C9orf85: variants seen among roughly 807,000 people sequenced by gnomAD.
C9orf85 encodes uncharacterized protein C9orf85.
Under a neutral mutation model 14.9 loss-of-function variants are expected in C9orf85, and 16 were observed. The observed-to-expected ratio is 1.08, with a 90% CI of 0.73 to 1.63. C9orf85 has a LOEUF of 1.63. C9orf85 is among the 40% of genes most tolerant of loss of function. The probability of loss-of-function intolerance (pLI) is 0.00; values close to 1 mark genes in which losing one functional copy is unlikely to be tolerated. For synonymous variants in C9orf85, 45 were observed against 56.8 expected (o/e 0.79, Z 0.93); for missense variants, 172 against 186.1 (o/e 0.92, Z 0.44).
chr9:71,930,343 T>C (rs1000649345), intron 1 of C9orf85, among the ~76,000 whole-genome samples: 5 of 152,122 alleles, frequency 3.3e-5, no homozygotes, highest in African/African-American at 9.7e-5. Flanking sequence ...TGCATATAGC[T>C]ATATTTCCTT....
At chr9:71,939,056 A>C (rs1316144196) in intron 1 of C9orf85, among the ~76,000 whole-genome samples, 1 of 129,838 alleles carries the variant, frequency 7.7e-6, no homozygotes, top group African/African-American at 2.7e-5. Flanking sequence ...ACTTGTCTTT[A>C]TTCTTTATCT....
downstream of C9orf85, among the ~76,000 whole-genome samples, chr9:71,976,757 T>C (rs1823008773): frequency 6.6e-6 from 1 of 151,972 alleles, no homozygotes; most frequent in South Asian, 2.1e-4. Context: ...CTCAGGTGAT[T>C]CTGATCAACT....
chr9:71,931,635 C>G (rs534716848), intron 1 of C9orf85, among the ~76,000 whole-genome samples: 1 of 152,122 alleles, frequency 6.6e-6, no homozygotes, highest in Non-Finnish European at 1.5e-5. Flanking sequence ...GATTATTAAA[C>G]CTGCCTGGAT....
intron 1 of C9orf85, among the ~76,000 whole-genome samples, chr9:71,920,983 T>C (rs549266392): frequency 6.6e-6 from 1 of 152,222 alleles, no homozygotes; most frequent in South Asian, 2.1e-4. Flanking sequence ...TGCCTCATCA[T>C]ACCCTTCTCC....
At chr9:71,914,440 C>T (rs1827593379) in intron 1 of C9orf85, among the ~76,000 whole-genome samples, 1 of 152,006 alleles carries the variant, frequency 6.6e-6, no homozygotes, top group Admixed American at 6.6e-5. Context: ...GACACCCCTG[C>T]CTTAGAGGAC....
intron 1 of C9orf85, 54 bp downstream of exon 1, chr9:71,911,890 G>C: frequency 6.7e-7 from 1 of 1,492,242 alleles, no homozygotes; most frequent in Non-Finnish European, 9.4e-7. Flanking sequence ...TGGCTCACTG[G>C]AGAGGGGAGA....
intron 1 of C9orf85, among the ~76,000 whole-genome samples, chr9:71,915,190 T>A (rs1014331300): frequency 4.2e-4 from 63 of 151,380 alleles, no homozygotes; most frequent in Non-Finnish European, 6.6e-4. Context: ...ATTATTTTTT[T>A]TTTTTTTTTG....
Position 71,931,293 on chromosome 9 carries a change from G to A in C9orf85, c.103-15713G>A, listed in dbSNP as rs115634114. Reference sequence around the variant, plus strand: ...GCCTCTACCATATCTTTTCCTGTCAGTTCAGAGATTATTCTGGAGACTGTT... The same window carrying A: ...GCCTCTACCATATCTTTTCCTGTCAATTCAGAGATTATTCTGGAGACTGTT... On this transcript the variant is annotated intron_variant, in intron 1 of 3. Coordinates refer to ENST00000334731, the MANE Select transcript of C9orf85 (RefSeq NM_182505.5). Among the ~76,000 whole-genome samples the A allele has an allele frequency of 1.7e-3, 254 of 152,272 alleles. 3 individuals are homozygous for A. The highest frequency in any genetic ancestry group is 5.7e-3 in the African/African-American group (237 of 41,538).
intron 1 of C9orf85, among the ~76,000 whole-genome samples, chr9:71,943,500 T>C (rs1035937599): frequency 6.6e-6 from 1 of 152,126 alleles, no homozygotes; most frequent in Non-Finnish European, 1.5e-5. Flanking sequence ...CTTGCTACCT[T>C]CTTGGGAGTT....
At chr9:71,951,822 A>C (rs1389935120) in intron 2 of C9orf85, among the ~76,000 whole-genome samples, 2 of 152,134 alleles carry the variant, frequency 1.3e-5, no homozygotes, top group Non-Finnish European at 2.9e-5. Context: ...CTCGATATGG[A>C]GCTGAATTGT....
intron 1 of C9orf85, among the ~76,000 whole-genome samples, chr9:71,936,982 C>G (rs375812595): frequency 1.2e-4 from 18 of 152,210 alleles, no homozygotes; most frequent in African/African-American, 4.3e-4. Context: ...TGGTCTCAAA[C>G]TCCTGGACTC....
chr9:71,948,041 T>C (rs1330805572), intron 2 of C9orf85, among the ~76,000 whole-genome samples: 1 of 152,214 alleles, frequency 6.6e-6, no homozygotes, highest in Non-Finnish European at 1.5e-5. Flanking sequence ...GTAAGGACAA[T>C]ATTGGAGAGT....
Position 71,969,505 on chromosome 9 carries a change from T to TC in C9orf85, c.210-1999dup, listed in dbSNP as rs371023722. On this transcript the variant is annotated intron_variant, in intron 2 of 3. Coordinates refer to ENST00000334731, the MANE Select transcript of C9orf85 (RefSeq NM_182505.5). ...TGTACCATCTTTTATTCCTGATGTT[T>TC]CAGTGTATGTATTTATGAATTATAT... Among the ~76,000 whole-genome samples, 24 of 152,304 alleles carry TC rather than the reference T, an allele frequency of 1.6e-4. No individual in the cohort carries two copies. In the East Asian group the frequency reaches 4.6e-3, roughly 29 times the overall value.
At position 71,982,233 on chromosome 9, in the gene C9orf85, A is replaced by ATT. The variant is rs934105609; in HGVS notation, c.324-413_324-412dup. On this transcript the variant is annotated intron_variant, in intron 3 of 3. Coordinates refer to the C9orf85 transcript ENST00000377031. ...TTAAAACATGTACCGATAGTTCATC[A>ATT]TTTTTTTTTTTTCTGAATAGCATTC... 6.7e-4 allele frequency among the ~76,000 whole-genome samples: 97 copies of ATT among 144,974 alleles called. 1 individual carries two copies. Among genetic ancestry groups the ATT allele is most frequent in the African/African-American group, 2.4e-3 (97 of 39,726 alleles).
intron 2 of C9orf85, among the ~76,000 whole-genome samples, chr9:71,963,688 C>T (rs1168282105): frequency 6.6e-6 from 1 of 152,242 alleles, no homozygotes; most frequent in Non-Finnish European, 1.5e-5. Flanking sequence ...CCCAGGCCAG[C>T]GGCTGCAGAG....
At chr9:71,938,812 AAT>A (rs1277620556) in intron 1 of C9orf85, among the ~76,000 whole-genome samples, 2 of 151,704 alleles carry the variant, frequency 1.3e-5, no homozygotes, top group African/African-American at 2.4e-5. Flanking sequence ...ATATATTTAA[AAT>A]ATATATATTC....
chr9:71,941,403 G>A (rs1291504413), intron 1 of C9orf85, among the ~76,000 whole-genome samples: 3 of 152,150 alleles, frequency 2.0e-5, no homozygotes, highest in Non-Finnish European at 4.4e-5. Flanking sequence ...TGTGCCTCCT[G>A]ACTTGGAGTA....
intron 1 of C9orf85, among the ~76,000 whole-genome samples, chr9:71,933,575 G>A (rs796532832): frequency 6.6e-6 from 1 of 152,116 alleles, no homozygotes; most frequent in Non-Finnish European, 1.5e-5. Flanking sequence ...TATCTGAATC[G>A]CTAGACTGCT....
chr9:71,916,749 A>G (rs571520840), intron 1 of C9orf85, among the ~76,000 whole-genome samples: 2 of 152,336 alleles, frequency 1.3e-5, no homozygotes, highest in African/African-American at 4.8e-5. Flanking sequence ...TTTACATTAT[A>G]TCAGTTTAGA....
Sources: allele counts gnomAD v4.1 joint callset (sites outside exome capture counted in the v4.1 genomes callset), GRCh38; gene constraint gnomAD v4.1.1; transcripts MANE v1.5; gene names NCBI Gene and HGNC (gene_info 2026-07-23, HGNC 2026-07-21).